DCC: variants seen among roughly 807,000 people sequenced by gnomAD.
DCC encodes the protein DCC netrin 1 receptor, also known as netrin receptor DCC.
In DCC, 58 loss-of-function variants were observed where a neutral mutation model predicts 172.5. The observed-to-expected ratio is 0.34, with a 90% CI of 0.27 to 0.42. The LOEUF (loss-of-function observed/expected upper bound fraction) is 0.42, where lower values mean the gene tolerates loss of function less well. Ranked by LOEUF, DCC falls within the 10% of genes least tolerant of loss-of-function variation. DCC has a pLI of 1.00. For missense variants in DCC, 1,740 were observed against 1,791.0 expected, an observed-to-expected ratio of 0.97 and a Z score of 0.51; for synonymous variants, 709 against 644.5, an observed-to-expected ratio of 1.10 and a Z score of -1.52.
chr18:52,710,433 TA>T (rs894326399), intron 1 of DCC, among the ~76,000 whole-genome samples: 7 of 152,088 alleles, frequency 4.6e-5, no homozygotes, highest in Non-Finnish European at 7.4e-5. Flanking sequence ...AAATTTAGGA[TA>T]AAAAAACAGA....
chr18:53,211,262 T>G (rs2055747933), intron 11 of DCC, among the ~76,000 whole-genome samples: 1 of 152,180 alleles, frequency 6.6e-6, no homozygotes, highest in Admixed American at 6.5e-5. Context: ...CTACTAAAAT[T>G]TTCCCTACTT....
At chr18:52,616,295 G>A (rs1037848000) in intron 1 of DCC, among the ~76,000 whole-genome samples, 1 of 151,936 alleles carries the variant, frequency 6.6e-6, no homozygotes, top group African/African-American at 2.4e-5. Flanking sequence ...AGGAATATTG[G>A]CTAAGTATGA....
intron 2 of DCC, among the ~76,000 whole-genome samples, chr18:52,896,058 T>C (rs2039724210): frequency 6.6e-6 from 1 of 152,188 alleles, no homozygotes. Context: ...GTGCTAGGAT[T>C]ACAGGTGTGA....
At chr18:53,402,762 C>A (rs1909393525) in intron 18 of DCC, 24 bp from the exon 19 acceptor site, 9 of 1,480,906 alleles carry the variant, frequency 6.1e-6, no homozygotes, top group Non-Finnish European at 8.5e-6. Context: ...AATGACAAGG[C>A]CTTATCTCTG....
intron 1 of DCC, among the ~76,000 whole-genome samples, chr18:52,501,873 A>T (rs2031035625): frequency 6.6e-6 from 1 of 152,158 alleles, no homozygotes. Flanking sequence ...GCAGTTTCTC[A>T]TTATCTGTGG....
intron 1 of DCC, among the ~76,000 whole-genome samples, chr18:52,436,311 T>C (rs532606811): frequency 6.6e-6 from 1 of 152,334 alleles, no homozygotes; most frequent in Admixed American, 6.5e-5. Context: ...TAAATGATTC[T>C]GGTCATGTGC....
chr18:53,179,141 C>A, intron 9 of DCC, 25 bp downstream of exon 9: 1 of 1,608,262 alleles, frequency 6.2e-7, no homozygotes. Context: ...GAACGGGCCA[C>A]ATTTAAAAAG....
intron 13 of DCC, among the ~76,000 whole-genome samples, chr18:53,306,128 G>A (rs780552244): frequency 9.2e-5 from 14 of 152,030 alleles, no homozygotes; most frequent in Non-Finnish European, 1.8e-4. Flanking sequence ...TGAAGAAAAG[G>A]GTAGATTGTA....
At chr18:52,853,591 T>A (rs1252904190) in intron 2 of DCC, among the ~76,000 whole-genome samples, 4 of 152,188 alleles carry the variant, frequency 2.6e-5, no homozygotes, top group Middle Eastern at 3.2e-3. Context: ...TGTCACGATT[T>A]CTCTGTTCTC....
intron 26 of DCC, among the ~76,000 whole-genome samples, chr18:53,497,559 A>C (rs2144430804): frequency 6.6e-6 from 1 of 152,224 alleles, no homozygotes; most frequent in East Asian, 1.9e-4. Flanking sequence ...AGTCTCCTTT[A>C]GATTAAATGA....
At chr18:52,492,090 A>G (rs2030531499) in intron 1 of DCC, among the ~76,000 whole-genome samples, 1 of 151,976 alleles carries the variant, frequency 6.6e-6, no homozygotes, top group South Asian at 2.1e-4. Context: ...TCAAGGGGGG[A>G]AGTAATTTCA....
At chr18:53,087,777 A>G (rs1172351072) in intron 7 of DCC, among the ~76,000 whole-genome samples, 1 of 152,126 alleles carries the variant, frequency 6.6e-6, no homozygotes, top group African/African-American at 2.4e-5. Context: ...ATTAATTTTT[A>G]TATAAGGTGT....
At chr18:52,571,668 C>A (rs976549484) in intron 1 of DCC, among the ~76,000 whole-genome samples, 3 of 152,120 alleles carry the variant, frequency 2.0e-5, no homozygotes, top group Admixed American at 1.3e-4. Context: ...TTGCCACAGG[C>A]ACAAAACAGG....
intron 1 of DCC, among the ~76,000 whole-genome samples, chr18:52,583,348 C>T (rs2033596960): frequency 6.6e-6 from 1 of 152,130 alleles, no homozygotes; most frequent in Non-Finnish European, 1.5e-5. Flanking sequence ...AGAAATAAAT[C>T]TGCCTTTTTA....
intron 5 of DCC, among the ~76,000 whole-genome samples, chr18:52,967,225 A>G (rs2040948417): frequency 6.6e-6 from 1 of 152,212 alleles, no homozygotes; most frequent in Non-Finnish European, 1.5e-5. Context: ...ACCATTTTAT[A>G]TATAAGTCCT....
At chr18:52,958,091 C>T (rs868816080) in intron 5 of DCC, among the ~76,000 whole-genome samples, 1 of 152,218 alleles carries the variant, frequency 6.6e-6, no homozygotes, top group South Asian at 2.1e-4. Flanking sequence ...AATGGAGTGG[C>T]ACATGCTCTG....
intron 5 of DCC, among the ~76,000 whole-genome samples, chr18:52,939,558 T>C (rs2040430016): frequency 1.3e-5 from 2 of 152,188 alleles, no homozygotes; most frequent in African/African-American, 4.8e-5. Context: ...ATCATCCACA[T>C]TGATGTTTTC....
intron 7 of DCC, among the ~76,000 whole-genome samples, chr18:53,110,249 T>A (rs1158981257): frequency 2.6e-5 from 4 of 151,708 alleles, no homozygotes; most frequent in African/African-American, 4.8e-5. Flanking sequence ...GCTTCATAAA[T>A]TGTGACATTA....
intron 7 of DCC, among the ~76,000 whole-genome samples, chr18:53,130,787 T>G (rs2043639532): frequency 6.6e-6 from 1 of 152,150 alleles, no homozygotes; most frequent in Admixed American, 6.6e-5. Flanking sequence ...AAACATTCTC[T>G]ACCTGTCTTC....
Sources: gnomAD v4.1 joint callset for allele counts (sites outside exome capture counted in the v4.1 genomes callset) on GRCh38, gnomAD v4.1.1 for gene constraint, MANE v1.5 for transcripts, NCBI Gene and HGNC (gene_info 2026-07-23, HGNC 2026-07-21) for gene names.